CNTN4: variants seen among roughly 807,000 people sequenced by gnomAD.
CNTN4 encodes the protein contactin 4.
A neutral mutation model predicts 122.5 loss-of-function variants in CNTN4; 77 were observed. The observed-to-expected ratio is 0.63, with a 90% confidence interval of 0.52 to 0.76. The LOEUF is 0.76. Among genes scored for constraint, CNTN4 ranks in the 30% least tolerant of loss-of-function variants. CNTN4 has a pLI of 0.00. For missense variants in CNTN4, 1,256 were observed against 1,259.1 expected (o/e 1.00, Z 0.04); for synonymous variants, 512 against 447.0 (o/e 1.15, Z -1.83).
At position 2,781,875 on chromosome 3, in the gene CNTN4, C is replaced by CT. The variant is rs35819100; in HGVS notation, c.358+36178_358+36179insT. Reference sequence around the variant, plus strand: ...GAGTAGCTGGGACTGCAGGCGCCCGCACCACGCCCGGCTAATTTTTTGTAT... The same window carrying CT: ...GAGTAGCTGGGACTGCAGGCGCCCGCTACCACGCCCGGCTAATTTTTTGTAT... On this transcript the variant is annotated intron_variant, in intron 6 of 24. Coordinates refer to ENST00000418658, the MANE Select transcript of CNTN4 (RefSeq NM_175607.3). Among the ~76,000 whole-genome samples the CT allele has an allele frequency of 6.6e-5, 7 of 105,484 alleles. 1 individual carries two copies. The highest frequency in any genetic ancestry group is 3.1e-4 in the African/African-American group (5 of 16,036). The allele number at this position is 105,484 out of a possible 152,430, so 69.2% of individuals were successfully genotyped here. A position where few individuals can be genotyped will look rare whatever the true frequency, so the allele number is the denominator to read the frequency against.
chr3:2,539,768 A>G (rs546982950), intron 3 of CNTN4, among the ~76,000 whole-genome samples: 2 of 152,158 alleles, frequency 1.3e-5, no homozygotes, highest in Non-Finnish European at 2.9e-5. Flanking sequence ...ACATCTACGT[A>G]CTTCAAAGAC....
At chr3:2,814,601 C>G (rs901271153) in intron 6 of CNTN4, among the ~76,000 whole-genome samples, 2 of 152,194 alleles carry the variant, frequency 1.3e-5, no homozygotes, top group African/African-American at 2.4e-5. Flanking sequence ...TCCATATTCA[C>G]TGAGTGTAAA....
chr3:2,911,902 C>T (rs188632760), intron 12 of CNTN4, among the ~76,000 whole-genome samples: 241 of 151,742 alleles, frequency 1.6e-3, no homozygotes, highest in Non-Finnish European at 2.8e-3. Flanking sequence ...AGGAGCAAAA[C>T]GGAAAAAATA....
chr3:2,639,941 G>A (rs1446445580), intron 4 of CNTN4, among the ~76,000 whole-genome samples: 1 of 152,162 alleles, frequency 6.6e-6, no homozygotes, highest in Non-Finnish European at 1.5e-5. Flanking sequence ...CCGTGCTAGG[G>A]CTAGAACTGT....
chr3:2,353,929 A>AC (rs1315652756), intron 3 of CNTN4, among the ~76,000 whole-genome samples: 1 of 151,964 alleles, frequency 6.6e-6, no homozygotes, highest in Non-Finnish European at 1.5e-5. Flanking sequence ...AAACAAACAA[A>AC]AAAAACATAA....
chr3:2,180,139 A>G (rs2036949549), intron 2 of CNTN4, among the ~76,000 whole-genome samples: 1 of 152,068 alleles, frequency 6.6e-6, no homozygotes, highest in African/African-American at 2.4e-5. Context: ...CTCTGATTTT[A>G]TAGATGTTTT....
intron 5 of CNTN4, among the ~76,000 whole-genome samples, chr3:2,738,684 T>A (rs1191240354): frequency 1.3e-5 from 2 of 152,144 alleles, no homozygotes; most frequent in African/African-American, 4.8e-5. Flanking sequence ...TTTTAAAAGA[T>A]GTACTAGACA....
chr3:2,208,288 A>G (rs1404791960), intron 2 of CNTN4, among the ~76,000 whole-genome samples: 1 of 152,152 alleles, frequency 6.6e-6, no homozygotes, highest in East Asian at 1.9e-4. Flanking sequence ...GTTTATTCTG[A>G]CCGTCGTGGA....
chr3:2,222,648 G>A (rs1041280503), intron 2 of CNTN4, among the ~76,000 whole-genome samples: 4 of 151,170 alleles, frequency 2.6e-5, no homozygotes, highest in South Asian at 2.1e-4. Flanking sequence ...GAATTTATAC[G>A]CACAACCCCC....
rs1235642492 is a variant in CNTN4, at chr3:2,773,052, CG to C, written c.358+27357del. Among the ~76,000 whole-genome samples, 4 of 152,046 alleles carry C rather than the reference CG, an allele frequency of 2.6e-5. No homozygotes were observed. The East Asian group carries it at 5.8e-4, about 22-fold the overall frequency. ...AACATGGAATTGACTTTTGCCAGAG[CG>C]GTTTCATGGGAGATCTGAGGCCAGT... On this transcript the variant is annotated intron_variant, in intron 6 of 24. Coordinates refer to ENST00000418658, the MANE Select transcript of CNTN4 (RefSeq NM_175607.3).
Position 3,034,752 on chromosome 3 carries a change from G to A in CNTN4, c.1904G>A (p.Arg635Lys). 6.2e-7 allele frequency: 1 copy of A among 1,614,090 alleles called. No homozygotes were observed. Among genetic ancestry groups the A allele is most frequent in the Non-Finnish European group, 8.5e-7 (1 of 1,180,006 alleles). ...ATCACCATGTATGTCATTCAAGCCA[G>A]GACTCCATTCTCCGTGGGCTGGCAA... ...SPITMYVIQA[R>K]TPFSVGWQAV... Residue 635 changes from arginine (R) to lysine (K), a missense_variant, in exon 17 of 25, where the codon AGG becomes AAG. By Grantham distance (26) the Arg-to-Lys change is conservative. Transcript: ENST00000418658.
At chr3:2,833,194 A>C (rs1170529598) in intron 7 of CNTN4, among the ~76,000 whole-genome samples, 2 of 152,206 alleles carry the variant, frequency 1.3e-5, no homozygotes, top group East Asian at 3.9e-4. Flanking sequence ...GGATTCTATG[A>C]AACAAAGATG....
chr3:2,730,417 G>A (rs1030927322), intron 4 of CNTN4, among the ~76,000 whole-genome samples: 5 of 152,034 alleles, frequency 3.3e-5, no homozygotes, highest in Non-Finnish European at 5.9e-5. Context: ...TGTTTCAGCC[G>A]GGAGGTTTCT....
At position 2,489,317 on chromosome 3, in the gene CNTN4, T is replaced by C. The variant is rs142217383; in HGVS notation, c.-88-82099T>C. On this transcript the variant is annotated intron_variant, in intron 3 of 24. Transcript: ENST00000418658. ...AAGGCTTCCCAGGCCTCACCAAGAT[T>C]TGGGTAACAAATGAAGCAATGTAGT... is the stretch of plus-strand genomic sequence containing the variant. Among the ~76,000 whole-genome samples, 583 of 152,316 alleles carry C rather than the reference T, an allele frequency of 3.8e-3. 1 individual carries two copies. Among genetic ancestry groups the C allele is most frequent in the Non-Finnish European group, 6.8e-3 (462 of 68,016 alleles).
intron 9 of CNTN4, among the ~76,000 whole-genome samples, chr3:2,885,877 G>A (rs1350453769): frequency 6.6e-6 from 1 of 152,098 alleles, no homozygotes; most frequent in Admixed American, 6.6e-5. Flanking sequence ...TTGGAAGGCT[G>A]GTGTCACTGA....
chr3:2,505,777 T>C (rs1166374928), intron 3 of CNTN4, among the ~76,000 whole-genome samples: 2 of 151,916 alleles, frequency 1.3e-5, no homozygotes, highest in Non-Finnish European at 2.9e-5. Context: ...TAGGCAGAGG[T>C]TTCCCTGAAA....
At chr3:2,502,682 G>C (rs2076628293) in intron 3 of CNTN4, among the ~76,000 whole-genome samples, 2 of 152,110 alleles carry the variant, frequency 1.3e-5, no homozygotes, top group Non-Finnish European at 2.9e-5. Flanking sequence ...AAAGAGAGAA[G>C]GCTTAGTCCA....
chr3:2,800,722 G>C (rs923812807), intron 6 of CNTN4, among the ~76,000 whole-genome samples: 2 of 152,116 alleles, frequency 1.3e-5, no homozygotes, highest in Non-Finnish European at 2.9e-5. Flanking sequence ...TCCCCTCTCT[G>C]TCCCAATACC....
chr3:2,782,614 A>T (rs908229530), intron 6 of CNTN4, among the ~76,000 whole-genome samples: 6 of 151,926 alleles, frequency 3.9e-5, no homozygotes, highest in Non-Finnish European at 8.8e-5. Flanking sequence ...TTTCTCTAAG[A>T]AGTTGTGATA....
Sources: allele counts gnomAD v4.1 joint callset (sites outside exome capture counted in the v4.1 genomes callset), GRCh38; gene constraint gnomAD v4.1.1; transcripts MANE v1.5; gene names NCBI Gene and HGNC (gene_info 2026-07-23, HGNC 2026-07-21).